ELOVL6: variants seen among roughly 807,000 people sequenced by gnomAD.
The protein encoded by ELOVL6 is ELOVL fatty acid elongase 6, also known as very long chain fatty acid elongase 6.
In ELOVL6, 8 loss-of-function variants were observed where a neutral mutation model predicts 31.7. The ratio of observed to expected loss-of-function variants is 0.25; its 90% CI spans 0.15 to 0.45. ELOVL6 has a LOEUF of 0.45. Among genes scored for constraint, ELOVL6 ranks in the 20% least tolerant of loss-of-function variants. The probability of loss-of-function intolerance (pLI) is 1.00; values close to 1 mark genes in which losing one functional copy is unlikely to be tolerated. For synonymous variants in ELOVL6, 101 were observed against 117.7 expected, an observed-to-expected ratio of 0.86 and a Z score of 0.92; for missense variants, 126 against 326.4, an observed-to-expected ratio of 0.39 and a Z score of 4.73.
chr4:110,195,301 G>A (rs1199832434), intron 1 of ELOVL6, among the ~76,000 whole-genome samples: 5 of 152,000 alleles, frequency 3.3e-5, no homozygotes, highest in African/African-American at 1.2e-4. Flanking sequence ...TGTATTTTTA[G>A]TAGAGATGGG....
intron 2 of ELOVL6, among the ~76,000 whole-genome samples, chr4:110,091,342 A>G (rs1444658523): frequency 1.3e-5 from 2 of 152,212 alleles, no homozygotes; most frequent in Admixed American, 6.5e-5. Context: ...CTCTAGAGGT[A>G]GGCTGTCTGT....
At chr4:110,159,504 T>A (rs1356169149) in intron 1 of ELOVL6, among the ~76,000 whole-genome samples, 1 of 151,712 alleles carries the variant, frequency 6.6e-6, no homozygotes, top group African/African-American at 2.4e-5. Context: ...CAGGGAGTTG[T>A]AAAATAAAAG....
intron 2 of ELOVL6, among the ~76,000 whole-genome samples, chr4:110,075,619 A>G (rs993645279): frequency 3.3e-5 from 5 of 152,228 alleles, no homozygotes; most frequent in African/African-American, 1.2e-4. Context: ...GGCAGAAATG[A>G]GGAGTTTTCA....
At chr4:110,055,846 A>G (rs1395633816) in intron 3 of ELOVL6, among the ~76,000 whole-genome samples, 2 of 152,234 alleles carry the variant, frequency 1.3e-5, no homozygotes, top group African/African-American at 4.8e-5. Context: ...GATTTGGCAC[A>G]CAAAGCAGGT....
chr4:110,162,895 A>T (rs775200121), intron 1 of ELOVL6, among the ~76,000 whole-genome samples: 32 of 152,190 alleles, frequency 2.1e-4, no homozygotes, highest in Non-Finnish European at 3.7e-4. Flanking sequence ...ATGAAGAGAA[A>T]ACTGAGTCTT....
intron 2 of ELOVL6, among the ~76,000 whole-genome samples, chr4:110,101,965 A>T (rs1002958873): frequency 6.6e-6 from 1 of 152,208 alleles, no homozygotes; most frequent in African/African-American, 2.4e-5. Flanking sequence ...AAAAGTAAAA[A>T]ATTGAGTTTA....
At chr4:110,096,669 G>GA (rs1471340415) in intron 2 of ELOVL6, among the ~76,000 whole-genome samples, 1 of 152,042 alleles carries the variant, frequency 6.6e-6, no homozygotes, top group East Asian at 1.9e-4. Context: ...CAGGGGGATA[G>GA]AAAAAATTCC....
intron 1 of ELOVL6, among the ~76,000 whole-genome samples, chr4:110,153,220 G>A (rs1296016313): frequency 6.6e-6 from 1 of 152,150 alleles, no homozygotes; most frequent in Non-Finnish European, 1.5e-5. Context: ...AATAATAATA[G>A]TGAAAAGGGA....
chr4:110,056,897 C>T (rs1272422747), intron 3 of ELOVL6, among the ~76,000 whole-genome samples: 2 of 151,942 alleles, frequency 1.3e-5, no homozygotes, highest in Non-Finnish European at 2.9e-5. Flanking sequence ...GACATTTGGG[C>T]CTGGATTAAA....
At chr4:110,066,419 G>C (rs532087996) in intron 2 of ELOVL6, among the ~76,000 whole-genome samples, 9 of 151,786 alleles carry the variant, frequency 5.9e-5, no homozygotes, top group African/African-American at 2.2e-4. Flanking sequence ...GGCGGATCAC[G>C]AGGTCAGGAG....
intron 3 of ELOVL6, among the ~76,000 whole-genome samples, chr4:110,058,158 T>G (rs1354788836): frequency 6.6e-6 from 1 of 152,162 alleles, no homozygotes; most frequent in Non-Finnish European, 1.5e-5. Flanking sequence ...TAGATAAAGT[T>G]GCCATTCTAT....
At position 110,051,551 on chromosome 4, in the gene ELOVL6, G is replaced by T. The variant is rs1754836566; in HGVS notation, c.585C>A (p.Ala195=). ...TGATCTGGGACAAGGTGATGAACAT[G>T]GCAAACTTCCGGGAGACTCGGAAAC... ...AAGFRVSRKF[A]MFITLSQITQ... Residue 195 remains alanine (A), a synonymous_variant, in exon 4 of 4, where the codon GCC becomes GCA. Transcript: ENST00000302274. This position sits in a 1 kb window ranked among gnomAD's most constrained non-coding sequence, Gnocchi z 4.8. The T allele has an allele frequency of 2.5e-6, 4 of 1,614,064 alleles. No homozygotes were observed. The highest frequency in any genetic ancestry group is 3.4e-6 in the Non-Finnish European group (4 of 1,180,044).
intron 1 of ELOVL6, among the ~76,000 whole-genome samples, chr4:110,112,740 G>A (rs191783178): frequency 2.0e-3 from 304 of 152,100 alleles, no homozygotes; most frequent in African/African-American, 7.0e-3. Context: ...TGGGTGTGGT[G>A]GTACATGCTT....
intron 1 of ELOVL6, among the ~76,000 whole-genome samples, chr4:110,112,300 A>T (rs1409207381): frequency 6.6e-6 from 1 of 152,234 alleles, no homozygotes; most frequent in Non-Finnish European, 1.5e-5. Flanking sequence ...CACAGGAATC[A>T]TCAGATGGGA....
At chr4:110,119,711 AAGAG>A (rs1164119835) in intron 1 of ELOVL6, among the ~76,000 whole-genome samples, 2 of 152,230 alleles carry the variant, frequency 1.3e-5, no homozygotes, top group Non-Finnish European at 2.9e-5. Context: ...AAGCCAAAAA[AAGAG>A]AGAAAGAAAG....
chr4:110,174,878 T>G (rs7681272), intron 1 of ELOVL6, among the ~76,000 whole-genome samples: 2 of 152,162 alleles, frequency 1.3e-5, no homozygotes, highest in African/African-American at 2.4e-5. Context: ...ATTATTCTTA[T>G]AGAGTGCAAT....
At chr4:110,101,624 AC>A (rs1756744735) in intron 2 of ELOVL6, among the ~76,000 whole-genome samples, 1 of 152,190 alleles carries the variant, frequency 6.6e-6, no homozygotes, top group Non-Finnish European at 1.5e-5. Context: ...GCCAGTCCAC[AC>A]CAACCAACCT....
At chr4:110,111,844 C>T (rs1159981238) in intron 1 of ELOVL6, among the ~76,000 whole-genome samples, 2 of 152,072 alleles carry the variant, frequency 1.3e-5, no homozygotes, top group African/African-American at 4.8e-5. Context: ...GAGATGCGGG[C>T]TAAAGTTGGG....
chr4:110,123,000 T>C (rs992774222), intron 1 of ELOVL6, among the ~76,000 whole-genome samples: 1 of 152,234 alleles, frequency 6.6e-6, no homozygotes, highest in Non-Finnish European at 1.5e-5. Context: ...TGTTTGTATT[T>C]TACACACAAG....
Sources: gnomAD v4.1 joint callset for allele counts (sites outside exome capture counted in the v4.1 genomes callset) on GRCh38, gnomAD v4.1.1 for gene constraint, Gnocchi (gnomAD v3.1) non-coding constraint, MANE v1.5 for transcripts, NCBI Gene and HGNC (gene_info 2026-07-23, HGNC 2026-07-21) for gene names.